Variants in CDH4 observed in about 807,000 individuals in gnomAD.
The protein encoded by CDH4 is cadherin-4.
A neutral mutation model predicts 86.0 loss-of-function variants in CDH4; 33 were observed. The ratio of observed to expected loss-of-function variants is 0.38; its 90% CI spans 0.29 to 0.51. The LOEUF is 0.51. Ranked by LOEUF, CDH4 falls within the 20% of genes least tolerant of loss-of-function variation. The pLI, the probability that CDH4 is intolerant of heterozygous loss-of-function variation, is 0.86. For missense variants in CDH4, 1,114 were observed against 1,307.4 expected, an observed-to-expected ratio of 0.85 and a Z score of 2.28; for synonymous variants, 555 against 549.4, an observed-to-expected ratio of 1.01 and a Z score of -0.14.
At chr20:61,804,170 G>A (rs986536798) in intron 4 of CDH4, among the ~76,000 whole-genome samples, 7 of 152,254 alleles carry the variant, frequency 4.6e-5, no homozygotes, top group African/African-American at 1.7e-4. Flanking sequence ...TGCCTGCATG[G>A]CGGCCTGAGA....
At chr20:61,861,904 A>G (rs1331457598) in intron 6 of CDH4, among the ~76,000 whole-genome samples, 1 of 152,194 alleles carries the variant, frequency 6.6e-6, no homozygotes, top group Non-Finnish European at 1.5e-5. Context: ...CCCACCCTCC[A>G]GAAGCGCACT....
At chr20:61,376,440 T>C (rs1373202136) in intron 2 of CDH4, among the ~76,000 whole-genome samples, 2 of 151,978 alleles carry the variant, frequency 1.3e-5, no homozygotes, top group African/African-American at 4.8e-5. Flanking sequence ...AGCAAGACAG[T>C]TTCCTCAAGT....
At chr20:61,568,288 C>G (rs574094110) in intron 2 of CDH4, among the ~76,000 whole-genome samples, 1 of 152,256 alleles carries the variant, frequency 6.6e-6, no homozygotes, top group South Asian at 2.1e-4. Flanking sequence ...GGTGATTTCC[C>G]CATGCTCTTC....
At chr20:61,486,985 G>A (rs1402889473) in intron 2 of CDH4, among the ~76,000 whole-genome samples, 6 of 152,208 alleles carry the variant, frequency 3.9e-5, no homozygotes, top group African/African-American at 1.2e-4. Flanking sequence ...TGTGTACCCA[G>A]TGGTGCCTGG....
At position 61,866,516 on chromosome 20, in the gene CDH4, C is replaced by CCCCTGAGTGG. The variant is rs1983557609; in HGVS notation, c.878-7212_878-7211insCCCTGAGTGG. Among the ~76,000 whole-genome samples, 7 of 152,302 alleles carry CCCCTGAGTGG rather than the reference C, an allele frequency of 4.6e-5. No individual in the cohort carries two copies. In the East Asian group the frequency reaches 9.7e-4, roughly 21 times the overall value. The stretch of plus-strand genomic sequence containing the variant: ...TCATTATTTTAAAGTAGCTTTTGCA[C>CCCCTGAGTGG]ATTTGACATGTGGAAAATGTCTTCC... On this transcript the variant is annotated intron_variant, in intron 6 of 15. Transcript: ENST00000614565.
At chr20:61,564,920 A>G (rs1354014349) in intron 2 of CDH4, among the ~76,000 whole-genome samples, 1 of 152,168 alleles carries the variant, frequency 6.6e-6, no homozygotes, top group Non-Finnish European at 1.5e-5. Flanking sequence ...TGGTTTTCGT[A>G]CTGAGCCTCT....
chr20:61,702,969 G>C (rs532112545), intron 2 of CDH4, among the ~76,000 whole-genome samples: 1 of 152,174 alleles, frequency 6.6e-6, no homozygotes, highest in East Asian at 1.9e-4. Flanking sequence ...GGCTGTGTGC[G>C]TGCGGCCCTG....
chr20:61,755,204 G>C (rs578157018), intron 3 of CDH4: 1 of 151,354 alleles, frequency 6.6e-6, no homozygotes, highest in Non-Finnish European at 1.5e-5. Context: ...CCCACAACAC[G>C]TGAGAATTCT....
intron 7 of CDH4, among the ~76,000 whole-genome samples, chr20:61,875,937 A>AAC (rs34781850): frequency 1.7e-3 from 257 of 151,264 alleles, no homozygotes; most frequent in Middle Eastern, 3.4e-3. Context: ...GCGCTCCCCC[A>AAC]ACACACACAC....
chr20:61,307,315 A>G (rs1465177741), intron 2 of CDH4, among the ~76,000 whole-genome samples: 1 of 151,970 alleles, frequency 6.6e-6, no homozygotes, highest in Non-Finnish European at 1.5e-5. Flanking sequence ...CTCAGAGCTT[A>G]CATGCTCCAA....
At chr20:61,595,590 C>A (rs1331742798) in intron 2 of CDH4, among the ~76,000 whole-genome samples, 1 of 152,192 alleles carries the variant, frequency 6.6e-6, no homozygotes, top group Non-Finnish European at 1.5e-5. Flanking sequence ...TCTGTTACTT[C>A]TTTATTGTTT....
chr20:61,806,629 G>A lies in CDH4; in HGVS notation c.576+33447G>A, dbSNP rs528983706. On this transcript the variant is annotated intron_variant, in intron 4 of 15. Transcript: ENST00000614565. Reference sequence around the variant, plus strand: ...GGTGGAGGGTGGGGGCTGTAGCAGAGGCCGGACTGGAATTGCTCAGGGGCT... The same window carrying A: ...GGTGGAGGGTGGGGGCTGTAGCAGAAGCCGGACTGGAATTGCTCAGGGGCT... 2.0e-5 allele frequency among the ~76,000 whole-genome samples: 3 copies of A among 152,346 alleles called. No homozygotes were observed. The East Asian group carries it at 5.8e-4, about 29-fold the overall frequency.
intron 13 of CDH4, among the ~76,000 whole-genome samples, chr20:61,930,860 C>G (rs1337951887): frequency 6.6e-6 from 1 of 152,244 alleles, no homozygotes; most frequent in East Asian, 1.9e-4. Context: ...CCGATGTCCC[C>G]TGCTCTGGAA....
intron 9 of CDH4, among the ~76,000 whole-genome samples, chr20:61,914,322 G>A (rs970925090): frequency 4.6e-5 from 7 of 152,166 alleles, no homozygotes; most frequent in Non-Finnish European, 5.9e-5. Flanking sequence ...GCAGAGCCTC[G>A]CAAGGATGTA....
chr20:61,290,961 T>G (rs1304521088), intron 2 of CDH4, among the ~76,000 whole-genome samples: 1 of 152,142 alleles, frequency 6.6e-6, no homozygotes, highest in Non-Finnish European at 1.5e-5. Flanking sequence ...TGGCTTGGCC[T>G]TTTTTTGGCT....
At chr20:61,803,878 C>G (rs554420211) in intron 4 of CDH4, among the ~76,000 whole-genome samples, 1 of 152,376 alleles carries the variant, frequency 6.6e-6, no homozygotes, top group East Asian at 1.9e-4. Flanking sequence ...CGAGAACAGG[C>G]TCCATCGCTG....
chr20:61,705,710 G>A (rs2087822117), intron 2 of CDH4, among the ~76,000 whole-genome samples: 1 of 152,218 alleles, frequency 6.6e-6, no homozygotes, highest in African/African-American at 2.4e-5. Context: ...CATATCCCTG[G>A]AAGCTGGCAG....
intron 2 of CDH4, among the ~76,000 whole-genome samples, chr20:61,707,544 TG>T (rs2087844939): frequency 6.6e-6 from 1 of 152,228 alleles, no homozygotes; most frequent in Admixed American, 6.5e-5. Context: ...CATCCTGCCC[TG>T]GTGCATAGTG....
At chr20:61,711,168 C>G (rs1387736945) in intron 2 of CDH4, among the ~76,000 whole-genome samples, 1 of 152,182 alleles carries the variant, frequency 6.6e-6, no homozygotes, top group Non-Finnish European at 1.5e-5. Flanking sequence ...CTCATGAAAC[C>G]TGCTGGTTTT....
Sources: allele counts gnomAD v4.1 joint callset (sites outside exome capture counted in the v4.1 genomes callset), GRCh38; gene constraint gnomAD v4.1.1; transcripts MANE v1.5; gene names NCBI Gene and HGNC (gene_info 2026-07-23, HGNC 2026-07-21).